Variants in NME9 observed in about 807,000 individuals in gnomAD.
NME9 encodes the protein thioredoxin domain-containing protein 6.
Under a neutral mutation model 44.4 loss-of-function variants are expected in NME9, and 48 were observed. That is an observed-to-expected ratio of 1.08 (90% CI 0.86 to 1.37). NME9 has a LOEUF of 1.37. NME9 is among the 40% of genes most tolerant of loss of function. The pLI, the probability that NME9 is intolerant of heterozygous loss-of-function variation, is 0.00. For missense variants in NME9, 325 were observed against 405.2 expected, an observed-to-expected ratio of 0.80 and a Z score of 1.70; for synonymous variants, 139 against 147.1, an observed-to-expected ratio of 0.94 and a Z score of 0.40.
downstream of NME9, chr3:138,296,030 G>C (rs1194118470): frequency 4.3e-6 from 3 of 694,220 alleles, no homozygotes; most frequent in African/African-American, 5.5e-5. Context: ...AGTTTAGTAG[G>C]CTTAGATCTC....
Position 138,315,655 on chromosome 3 carries a change from T to C in NME9, c.268-12A>G. ...ACCAGTTCTCCTCCCTAGAATACGTTACAAACAGCATGAAATACTCTTGGC... is the reference window on the plus strand; with the variant it reads ...ACCAGTTCTCCTCCCTAGAATACGTCACAAACAGCATGAAATACTCTTGGC... On this transcript the variant is annotated splice_polypyrimidine_tract_variant and intron_variant, in intron 4 of 10. Coordinates refer to ENST00000333911, the MANE Select transcript of NME9 (RefSeq NM_001349018.2). 1 of 1,509,454 alleles carries C rather than the reference T, an allele frequency of 6.6e-7. No homozygotes were observed. Among genetic ancestry groups the C allele is most frequent in the Non-Finnish European group, 8.9e-7 (1 of 1,122,202 alleles). The allele number at this position is 1,509,454 out of a possible 1,614,324, so 93.5% of individuals were successfully genotyped here. A position where few individuals can be genotyped will look rare whatever the true frequency, so the allele number is the denominator to read the frequency against.
chr3:138,324,377 T>C lies in NME9; in HGVS notation c.91+496A>G, dbSNP rs1208835994. On this transcript the variant is annotated intron_variant, in intron 2 of 10. Coordinates refer to ENST00000333911, the MANE Select transcript of NME9 (RefSeq NM_001349018.2). ...GACCCACAGAAACTGGGATAATCAA[T>C]GTTTGTTGTTGTAAAGCACTAAGTT... 5 of 441,278 alleles carry C rather than the reference T, an allele frequency of 1.1e-5. No individual in the cohort carries two copies. The East Asian group carries it at 3.5e-4, about 31-fold the overall frequency. The allele number at this position is 441,278 out of a possible 1,614,324, so 27.3% of individuals were successfully genotyped here.
At chr3:138,285,695 A>C (rs563332815) in intron 8 of NME9, among the ~76,000 whole-genome samples, 1 of 152,276 alleles carries the variant, frequency 6.6e-6, no homozygotes, top group East Asian at 1.9e-4. Context: ...GGGTGTCTTT[A>C]CCACAGCGTA....
At chr3:138,318,964 G>A (rs1013785720) in intron 3 of NME9, among the ~76,000 whole-genome samples, 1 of 152,192 alleles carries the variant, frequency 6.6e-6, no homozygotes, top group Non-Finnish European at 1.5e-5. Context: ...TTGGGACGCT[G>A]TGGTGGGAGG....
At chr3:138,319,782 T>A (rs2053349138) in intron 2 of NME9, among the ~76,000 whole-genome samples, 1 of 152,258 alleles carries the variant, frequency 6.6e-6, no homozygotes, top group South Asian at 2.1e-4. Context: ...GAACTTGGTA[T>A]ACTGAATTCT....
intron 8 of NME9, among the ~76,000 whole-genome samples, chr3:138,283,003 A>C (rs1360065307): frequency 6.6e-6 from 1 of 152,200 alleles, no homozygotes; most frequent in Non-Finnish European, 1.5e-5. Flanking sequence ...AGATCAGATC[A>C]TGTCTGTCCC....
intron 3 of NME9, 88 bp from the exon 4 acceptor site, chr3:138,318,307 A>AC: frequency 1.2e-6 from 1 of 846,324 alleles, no homozygotes. Context: ...GGAACTGAAC[A>AC]CCCCCAGGAC....
intron 8 of NME9, chr3:138,295,863 A>C (rs770858025): frequency 1.9e-6 from 3 of 1,613,744 alleles, no homozygotes; most frequent in East Asian, 2.2e-5. Flanking sequence ...TTTCAGGGCA[A>C]AGATGGCACT....
exon 9 of NME9, chr3:138,262,308 G>T: frequency 2.0e-6 from 1 of 509,416 alleles, no homozygotes; most frequent in Non-Finnish European, 3.5e-6. Flanking sequence ...AATTAGGTTT[G>T]GTCTAGGGCG....
chr3:138,264,625 G>C (rs892786499), intron 8 of NME9, among the ~76,000 whole-genome samples: 2 of 151,202 alleles, frequency 1.3e-5, no homozygotes, highest in African/African-American at 4.9e-5. Flanking sequence ...TCACCATATT[G>C]GTCAGGCTGG....
intron 8 of NME9, among the ~76,000 whole-genome samples, chr3:138,267,842 G>C (rs2048417380): frequency 6.6e-6 from 1 of 152,104 alleles, no homozygotes; most frequent in Non-Finnish European, 1.5e-5. Flanking sequence ...GCCCAATTAT[G>C]AACTCAGGTT....
At chr3:138,315,351 T>C (rs755864088) in intron 5 of NME9, among the ~76,000 whole-genome samples, 176 bp downstream of exon 5, 1 of 152,170 alleles carries the variant, frequency 6.6e-6, no homozygotes, top group Admixed American at 6.5e-5. Context: ...TAAGAAGGTT[T>C]CAAAATGCAC....
intron 1 of NME9, among the ~76,000 whole-genome samples, chr3:138,328,780 A>G (rs2053950464): frequency 6.6e-6 from 1 of 152,228 alleles, no homozygotes; most frequent in African/African-American, 2.4e-5. Flanking sequence ...AAGACACTCT[A>G]TATAACATAT....
chr3:138,262,665 A>G (rs2047868811), intron 8 of NME9: 3 of 1,397,206 alleles, frequency 2.1e-6, no homozygotes, highest in South Asian at 1.5e-5. Context: ...GGTCTGCTGT[A>G]TGGCCTGGAC....
intron 9 of NME9, among the ~76,000 whole-genome samples, 158 bp from the exon 10 acceptor site, chr3:138,303,801 A>C (rs1354174479): frequency 6.6e-6 from 1 of 152,238 alleles, no homozygotes; most frequent in Non-Finnish European, 1.5e-5. Context: ...CAATGATAAT[A>C]GCAGCTGGCA....
intron 8 of NME9, chr3:138,263,570 C>A: frequency 1.5e-6 from 1 of 650,448 alleles, no homozygotes. Flanking sequence ...CTAGACCTAC[C>A]TTTCTGATGA....
intron 8 of NME9, among the ~76,000 whole-genome samples, chr3:138,277,627 A>G (rs1427291974): frequency 6.6e-6 from 1 of 152,232 alleles, no homozygotes; most frequent in East Asian, 1.9e-4. Flanking sequence ...CATCTTTTAG[A>G]ATAGCTAAAA....
chr3:138,315,513 T>C lies in NME9; in HGVS notation c.384+14A>G. ...CTTGTGAGTTAGCTGCTTATAGAAGTGACCTCCAGTTACCACTTTCCGTTC... is the reference window on the plus strand; with the variant it reads ...CTTGTGAGTTAGCTGCTTATAGAAGCGACCTCCAGTTACCACTTTCCGTTC... On this transcript the variant is annotated intron_variant, in intron 5 of 10. Coordinates refer to ENST00000333911, the MANE Select transcript of NME9 (RefSeq NM_001349018.2). 1 of 1,519,356 alleles carries C rather than the reference T, an allele frequency of 6.6e-7. No individual in the cohort carries two copies. Among genetic ancestry groups the C allele is most frequent in the Non-Finnish European group, 8.8e-7 (1 of 1,131,644 alleles). 94.1% of individuals were successfully genotyped at this position (1,519,356 alleles called of 1,614,324 possible). A position where few individuals can be genotyped will look rare whatever the true frequency, so the allele number is the denominator to read the frequency against.
At chr3:138,283,772 G>C (rs1387619177) in intron 8 of NME9, among the ~76,000 whole-genome samples, 1 of 152,204 alleles carries the variant, frequency 6.6e-6, no homozygotes, top group African/African-American at 2.4e-5. Flanking sequence ...TCCTCAAGGT[G>C]TACTGTCCTT....
Sources: allele counts gnomAD v4.1 joint callset (sites outside exome capture counted in the v4.1 genomes callset), GRCh38; gene constraint gnomAD v4.1.1; transcripts MANE v1.5; gene names NCBI Gene and HGNC (gene_info 2026-07-23, HGNC 2026-07-21).